The following ATP2C1 variants were observed in gnomAD, a reference collection of about 807,000 sequenced individuals.
ATP2C1 encodes the protein ATPase secretory pathway Ca2+ transporting 1, also known as calcium-transporting ATPase type 2C member 1.
A neutral mutation model predicts 120.5 loss-of-function variants in ATP2C1; 31 were observed. The ratio of observed to expected loss-of-function variants is 0.26; its 90% confidence interval spans 0.19 to 0.35. The LOEUF (loss-of-function observed/expected upper bound fraction) is 0.35, where lower values mean the gene tolerates loss of function less well. Ranked by LOEUF, ATP2C1 falls within the 10% of genes least tolerant of loss-of-function variation. The probability of loss-of-function intolerance (pLI) is 1.00; values close to 1 mark genes in which losing one functional copy is unlikely to be tolerated. For synonymous variants in ATP2C1, 351 were observed against 358.7 expected (o/e 0.98, Z 0.24); for missense variants, 731 against 1,107.5 (o/e 0.66, Z 4.83).
Position 130,930,407 on chromosome 3 carries a change from A to G in ATP2C1, c.7-9A>G. On this transcript the variant is annotated splice_polypyrimidine_tract_variant and intron_variant, in intron 2 of 27. Coordinates refer to ENST00000510168, the MANE Select transcript of ATP2C1 (RefSeq NM_001378687.1). ...ATTCAAATATTTTTTCTTTGGTTTT[A>G]CTTCCTAGGTTGCACGTTTTCAAAA... 6.4e-7 allele frequency: 1 copy of G among 1,555,916 alleles called. No homozygotes were observed. The highest frequency in any genetic ancestry group is 8.9e-7 in the Non-Finnish European group (1 of 1,127,388).
At chr3:130,919,032 G>A in intron 2 of ATP2C1, 2 of 473,614 alleles carry the variant, frequency 4.2e-6, no homozygotes. Context: ...AGCGGTGGAA[G>A]CTCCTGCCAT....
Position 130,970,427 on chromosome 3 carries a change from CTT to C in ATP2C1, c.1413+1034_1413+1035del, listed in dbSNP as rs543781210. ...ACACACCCTTAAACTTTCCTTCACT[CTT>C]TTGCCTAGGCTGAGTGCAGTGGCGT... On this transcript the variant is annotated intron_variant, in intron 17 of 27. Coordinates refer to ENST00000510168, the MANE Select transcript of ATP2C1 (RefSeq NM_001378687.1). Among the ~76,000 whole-genome samples, 132 of 151,158 alleles carry C rather than the reference CTT, an allele frequency of 8.7e-4. 1 individual carries two copies. Among genetic ancestry groups the C allele is most frequent in the African/African-American group, 3.1e-3 (129 of 41,106 alleles).
intron 2 of ATP2C1, chr3:130,918,519 A>T (rs1576707678): frequency 4.0e-6 from 3 of 757,890 alleles, no homozygotes; most frequent in African/African-American, 3.4e-5. Flanking sequence ...GAGGCTGAAC[A>T]CTCTGGCTTG....
chr3:130,880,367 T>C (rs957729488), intron 1 of ATP2C1, among the ~76,000 whole-genome samples: 8 of 152,170 alleles, frequency 5.3e-5, no homozygotes, highest in African/African-American at 1.7e-4. Flanking sequence ...TTCCCACTCA[T>C]AGGAAGTTTT....
In ATP2C1 at chr3:130,979,393, A is replaced by G. The variant is rs2061658274; in HGVS notation, c.1715A>G (p.Asp572Gly). 6.2e-7 allele frequency: 1 copy of G among 1,613,418 alleles called. No homozygotes were observed. Among genetic ancestry groups the G allele is most frequent in the African/African-American group, 1.3e-5 (1 of 74,864 alleles). The part of the protein sequence containing the change: ...SGVSIKMITG[D>G]SQETAVAIAS... ...GTATCAATAAAAATGATTACTGGAGATTCACAGGAGACTGCAGTTGCAATC... is the reference window on the plus strand; with the variant it reads ...GTATCAATAAAAATGATTACTGGAGGTTCACAGGAGACTGCAGTTGCAATC... Residue 572 changes from aspartate to glycine, a missense_variant, in exon 19 of 28, where the codon GAT (aspartate) becomes GGT (glycine). Coordinates refer to ENST00000510168, the MANE Select transcript of ATP2C1 (RefSeq NM_001378687.1).
At chr3:130,854,214 C>T (rs1159859695) in intron 1 of ATP2C1, 1 of 152,166 alleles carries the variant, frequency 6.6e-6, no homozygotes, top group Non-Finnish European at 1.5e-5. Context: ...TTTCACAAAG[C>T]CAAATCCCCA....
chr3:130,918,477 T>A, intron 2 of ATP2C1: 1 of 807,702 alleles, frequency 1.2e-6, no homozygotes, highest in Admixed American at 1.7e-5. Context: ...CTGAGCAAAT[T>A]TAGAAGTCTT....
At chr3:130,954,589 G>C (rs931961051) in intron 9 of ATP2C1, among the ~76,000 whole-genome samples, 3 of 152,236 alleles carry the variant, frequency 2.0e-5, no homozygotes, top group South Asian at 4.1e-4. Context: ...AGGTTCAAGT[G>C]ATTCTCCTGC....
intron 1 of ATP2C1, among the ~76,000 whole-genome samples, chr3:130,885,953 T>C (rs139486686): frequency 1.2e-3 from 177 of 152,316 alleles, no homozygotes; most frequent in Non-Finnish European, 1.9e-3. Flanking sequence ...ATAGATGATT[T>C]CTTATTGCTC....
At chr3:130,882,725 T>C (rs1372708336) in intron 1 of ATP2C1, among the ~76,000 whole-genome samples, 2 of 152,194 alleles carry the variant, frequency 1.3e-5, no homozygotes, top group Non-Finnish European at 1.5e-5. Context: ...TGATGAATGA[T>C]GTCTTTAATG....
intron 6 of ATP2C1, among the ~76,000 whole-genome samples, chr3:130,938,466 C>A (rs1013444868): frequency 2.6e-5 from 4 of 152,172 alleles, no homozygotes; most frequent in African/African-American, 7.2e-5. Flanking sequence ...GTGGGTATTT[C>A]TTGTCACTAT....
At chr3:131,014,147 G>A in intron 26 of ATP2C1, 1 of 1,613,320 alleles carries the variant, frequency 6.2e-7, no homozygotes, top group Non-Finnish European at 8.5e-7. Context: ...AACACTTGGT[G>A]TGTGCAGTGG....
chr3:130,903,615 C>G (rs2057970726), intron 2 of ATP2C1, among the ~76,000 whole-genome samples: 2 of 151,472 alleles, frequency 1.3e-5, no homozygotes, highest in African/African-American at 4.9e-5. Flanking sequence ...CTTTCTTTCT[C>G]TCCCTCCCTC....
rs1393570830 is a variant in ATP2C1, at chr3:130,963,997, G to T, written c.926G>T (p.Gly309Val). The T allele has an allele frequency of 6.2e-7, 1 of 1,612,674 alleles. No homozygotes were observed. Among genetic ancestry groups the T allele is most frequent in the Non-Finnish European group, 8.5e-7 (1 of 1,178,966 alleles). The change falls in exon 13 of 28, where the codon GGT (glycine) becomes GTT (valine). Residue 309 changes from glycine to valine, a missense_variant. Transcript: ENST00000510168. ...TTGGCTGTAGCAGCAATTCCTGAAG[G>T]TCTCCCCATTGTGGTCACAGTGACG... ...VSLAVAAIPE[G>V]LPIVVTVTLA...
chr3:130,982,837 C>G (rs1014005886), intron 20 of ATP2C1, among the ~76,000 whole-genome samples: 1 of 152,030 alleles, frequency 6.6e-6, no homozygotes. Context: ...AAAGTAAGAG[C>G]TACAATAGAA....
At position 130,894,845 on chromosome 3, in the gene ATP2C1, T is replaced by C; in HGVS notation, c.6+70T>C. 7.0e-7 allele frequency: 1 copy of C among 1,432,466 alleles called. No homozygotes were observed. The highest frequency in any genetic ancestry group is 9.9e-7 in the Non-Finnish European group (1 of 1,014,388). The allele number at this position is 1,432,466 out of a possible 1,614,324, so 88.7% of individuals were successfully genotyped here. On this transcript the variant is annotated intron_variant, in intron 2 of 27. Transcript: ENST00000510168. The surrounding 1 kb of genome is among the most constrained non-coding windows in gnomAD (Gnocchi z 4.5). ...TGGTGGTTTGCTTTTAAGTTGTCTT[T>C]GTTTTTCCACCTTTTTATTTTCGTG... is the stretch of plus-strand genomic sequence containing the variant.
intron 2 of ATP2C1, among the ~76,000 whole-genome samples, chr3:130,905,707 C>G (rs1239659552): frequency 6.6e-6 from 1 of 152,094 alleles, no homozygotes; most frequent in East Asian, 1.9e-4. Flanking sequence ...CATCATAGCA[C>G]AGTATCCCTC....
chr3:130,867,587 C>A (rs1409127209), intron 1 of ATP2C1, among the ~76,000 whole-genome samples: 2 of 150,868 alleles, frequency 1.3e-5, no homozygotes, highest in Non-Finnish European at 3.0e-5. Flanking sequence ...CTCATTCACT[C>A]AGTGCTCAAT....
At chr3:130,963,044 T>C (rs2060893550) in intron 12 of ATP2C1, 2 of 152,024 alleles carry the variant, frequency 1.3e-5, no homozygotes, top group South Asian at 4.1e-4. Context: ...TTAAATTGCT[T>C]ATGTCCTTAT....
Sources: gnomAD v4.1 joint callset for allele counts (sites outside exome capture counted in the v4.1 genomes callset) on GRCh38, gnomAD v4.1.1 for gene constraint, Gnocchi (gnomAD v3.1) non-coding constraint, MANE v1.5 for transcripts, NCBI Gene and HGNC (gene_info 2026-07-23, HGNC 2026-07-21) for gene names.